CFAP45: variants seen among roughly 807,000 people sequenced by gnomAD.
CFAP45 encodes cilia- and flagella-associated protein 45.
In CFAP45, 43 loss-of-function variants were observed where a neutral mutation model predicts 75.6. The observed-to-expected ratio is 0.57, with a 90% CI of 0.45 to 0.73. The LOEUF is 0.73. Among genes scored for constraint, CFAP45 ranks in the 30% least tolerant of loss-of-function variants. CFAP45 has a pLI of 0.00. For missense variants in CFAP45, 689 were observed against 701.5 expected (o/e 0.98, Z 0.20); for synonymous variants, 223 against 244.6 (o/e 0.91, Z 0.82).
chr1:159,873,973 A>T (rs1315604734), intron 10 of CFAP45, among the ~76,000 whole-genome samples: 2 of 151,992 alleles, frequency 1.3e-5, no homozygotes, highest in Non-Finnish European at 2.9e-5. Flanking sequence ...ACTGGAAGGA[A>T]GGAGCTCAGC....
chr1:159,873,658 G>A (rs998628642), intron 10 of CFAP45, among the ~76,000 whole-genome samples: 8 of 152,084 alleles, frequency 5.3e-5, no homozygotes, highest in Non-Finnish European at 5.9e-5. Context: ...ATTATTTGTA[G>A]AGATGAAGTC....
At chr1:159,876,779 G>C (rs749873247) in intron 9 of CFAP45, 30 bp from the exon 10 acceptor site, 1 of 1,612,846 alleles carries the variant, frequency 6.2e-7, no homozygotes. Flanking sequence ...ACCAGTGAGG[G>C]CACAAAATAG....
At chr1:159,881,445 A>ACACTGCC (rs1649548493) in intron 7 of CFAP45, among the ~76,000 whole-genome samples, 1 of 152,160 alleles carries the variant, frequency 6.6e-6, no homozygotes, top group Non-Finnish European at 1.5e-5. Context: ...AGGTGATCAT[A>ACACTGCC]CACTGCCTTG....
At chr1:159,889,541 A>C (rs547178146) in intron 3 of CFAP45, among the ~76,000 whole-genome samples, 2 of 152,334 alleles carry the variant, frequency 1.3e-5, no homozygotes, top group South Asian at 4.1e-4. Context: ...ATCCGAATCT[A>C]AGACAGCAGT....
At chr1:159,887,257 A>T (rs1397361390) in intron 5 of CFAP45, among the ~76,000 whole-genome samples, 1 of 152,242 alleles carries the variant, frequency 6.6e-6, no homozygotes, top group East Asian at 1.9e-4. Flanking sequence ...TAAAGGAGGC[A>T]TACATAGAGA....
chr1:159,898,758 C>CACAT (rs1353031627), intron 1 of CFAP45, among the ~76,000 whole-genome samples: 1 of 152,136 alleles, frequency 6.6e-6, no homozygotes, highest in Non-Finnish European at 1.5e-5. Flanking sequence ...AGTAGGTGTT[C>CACAT]ACATACATAC....
intron 7 of CFAP45, among the ~76,000 whole-genome samples, chr1:159,883,842 G>T (rs757222590): frequency 6.6e-6 from 1 of 152,016 alleles, no homozygotes; most frequent in Non-Finnish European, 1.5e-5. Context: ...GTGCTAAAGG[G>T]TTTTATACAT....
At chr1:159,890,114 C>T (rs1167175164) in intron 3 of CFAP45, among the ~76,000 whole-genome samples, 3 of 152,052 alleles carry the variant, frequency 2.0e-5, no homozygotes, top group South Asian at 2.1e-4. Context: ...TTAATGCAGC[C>T]GAAAGGAAGT....
intron 2 of CFAP45, 127 bp from the exon 3 acceptor site, chr1:159,890,749 T>A: frequency 1.5e-6 from 1 of 646,558 alleles, no homozygotes; most frequent in Non-Finnish European, 2.4e-6. Flanking sequence ...CCGACCAGCT[T>A]TTCTTTTCTT....
chr1:159,887,836 C>T lies in CFAP45; in HGVS notation c.588+5G>A. The T allele has an allele frequency of 6.2e-7, 1 of 1,607,270 alleles. No homozygotes were observed. The highest frequency in any genetic ancestry group is 8.5e-7 in the Non-Finnish European group (1 of 1,175,820). ...TCAGAGGGAAGGGAGAGACGAAGAG[C>T]CCACCTTGCTCATGTCCTTGAGCTC... is the stretch of plus-strand genomic sequence containing the variant. On this transcript the variant is annotated splice_donor_5th_base_variant and intron_variant, in intron 5 of 11. Coordinates refer to ENST00000368099, the MANE Select transcript of CFAP45 (RefSeq NM_012337.3).
At chr1:159,878,775 A>AAAAAAAAAAAAAAAAAAC in intron 8 of CFAP45, among the ~76,000 whole-genome samples, 1 of 140,118 alleles carries the variant, frequency 7.1e-6, no homozygotes, top group Non-Finnish European at 1.6e-5. Context: ...AAAAAAAAAA[A>AAAAAAAAAAAAAAAAAAC]AAAAAAACCT....
intron 4 of CFAP45, 50 bp from the exon 5 acceptor site, chr1:159,888,061 GC>G: frequency 6.3e-7 from 1 of 1,579,754 alleles, no homozygotes. Context: ...TGCGCTCTGT[GC>G]CCTGGGCGCT....
chr1:159,880,565 T>C lies in CFAP45; in HGVS notation c.1033A>G (p.Lys345Glu). Residue 345 changes from lysine (K) to glutamate (E), a missense_variant, in exon 8 of 12, where the codon AAG becomes GAG. By Grantham distance (56) the Lys-to-Glu change is moderately conservative (BLOSUM62 1). Coordinates refer to ENST00000368099, the MANE Select transcript of CFAP45 (RefSeq NM_012337.3). ...AACCAAGTCCCTACCATCTTCTTCT[T>C]GGTAAACTCCATCACCATCTGGTCT... ...LADQMVMEFT[K>E]KKMAREAEFE... The C allele has an allele frequency of 1.9e-6, 3 of 1,612,892 alleles. No homozygotes were observed. Among genetic ancestry groups the C allele is most frequent in the Non-Finnish European group, 2.5e-6 (3 of 1,179,424 alleles).
In CFAP45 at chr1:159,888,160, C is replaced by T; in HGVS notation, c.418-149G>A. 5 of 1,074,454 alleles carry T rather than the reference C, an allele frequency of 4.7e-6. No homozygotes were observed. In the South Asian group the frequency reaches 7.9e-5, roughly 17 times the overall value. The allele number at this position is 1,074,454 out of a possible 1,614,324, so 66.6% of individuals were successfully genotyped here. On this transcript the variant is annotated intron_variant, in intron 4 of 11. Transcript: ENST00000368099. ...AGAAGTTCCACAGCCTGGCTTCATTCTCAGCCCTCCCCTTGGCCCCGGCTG... is the reference window on the plus strand; with the variant it reads ...AGAAGTTCCACAGCCTGGCTTCATTTTCAGCCCTCCCCTTGGCCCCGGCTG...
rs1024466462 is a variant in CFAP45 at position 159,900,153 on chromosome 1, A to G, written c.-55T>C. ...TTCTGCTGCCGCCTCGGCGCCGCCA[A>G]GGCCCTAGTGTTGACGCGTTACCTT... On this transcript the variant is annotated 5_prime_UTR_variant, in exon 1 of 12. Transcript: ENST00000368099. The G allele has an allele frequency of 3.5e-5, 56 of 1,613,508 alleles. No homozygotes were observed. The highest frequency in any genetic ancestry group is 1.4e-4 in the South Asian group (13 of 91,044).
rs757901406 is a variant in CFAP45, at chr1:159,900,085, T to A, written c.3+11A>T. On this transcript the variant is annotated intron_variant, in intron 1 of 11. Transcript: ENST00000368099. ...CAGGACACAAGGGGCCCATCTGAGG[T>A]TCTCCCTCACCATCTCCTCAGCCAC... The A allele has an allele frequency of 8.7e-6, 14 of 1,613,822 alleles. No homozygotes were observed. In the South Asian group the frequency reaches 1.5e-4, roughly 18 times the overall value.
chr1:159,897,152 T>G (rs552458497), intron 1 of CFAP45, among the ~76,000 whole-genome samples: 1 of 152,082 alleles, frequency 6.6e-6, no homozygotes, highest in African/African-American at 2.4e-5. Flanking sequence ...TAGTCCCAGC[T>G]ACTTGGGAGG....
intron 5 of CFAP45, among the ~76,000 whole-genome samples, chr1:159,887,058 A>C (rs1453726746): frequency 6.6e-6 from 1 of 152,170 alleles, no homozygotes; most frequent in African/African-American, 2.4e-5. Flanking sequence ...AAAACTTCAG[A>C]GGTCCATTGT....
chr1:159,881,186 C>T (rs1649542132), intron 7 of CFAP45, among the ~76,000 whole-genome samples: 1 of 152,122 alleles, frequency 6.6e-6, no homozygotes, highest in Non-Finnish European at 1.5e-5. Flanking sequence ...TAAATATGTC[C>T]AAAAATCCTA....
Sources: gnomAD v4.1 joint callset for allele counts (sites outside exome capture counted in the v4.1 genomes callset) on GRCh38, gnomAD v4.1.1 for gene constraint, MANE v1.5 for transcripts, NCBI Gene and HGNC (gene_info 2026-07-23, HGNC 2026-07-21) for gene names.